TMEM132B: variants seen among roughly 807,000 people sequenced by gnomAD.
TMEM132B encodes the protein transmembrane protein 132B.
In TMEM132B, 18 loss-of-function variants were observed where a neutral mutation model predicts 90.8. The ratio of observed to expected loss-of-function variants is 0.20; its 90% CI spans 0.14 to 0.29. TMEM132B has a LOEUF of 0.29. Ranked by LOEUF, TMEM132B falls within the 10% of genes least tolerant of loss-of-function variation. TMEM132B has a pLI of 1.00. For synonymous variants in TMEM132B, 504 were observed against 523.3 expected (o/e 0.96, Z 0.50); for missense variants, 1,096 against 1,326.8 (o/e 0.83, Z 2.70).
chr12:125,231,208 CGTGTGTGTGT>C (rs140099684), intron 1 of TMEM132B, among the ~76,000 whole-genome samples: 4 of 146,532 alleles, frequency 2.7e-5, no homozygotes, highest in East Asian at 4.0e-4. Flanking sequence ...GGCTGTCTTC[CGTGTGTGTGT>C]GTGTGTGTGT....
chr12:125,604,278 G>A (rs1329952575), intron 5 of TMEM132B, among the ~76,000 whole-genome samples: 2 of 146,844 alleles, frequency 1.4e-5, no homozygotes, highest in African/African-American at 2.4e-5. Context: ...AAAAGGGAAT[G>A]AGACTGTGTC....
At chr12:125,566,849 T>C (rs1686691930) in intron 4 of TMEM132B, among the ~76,000 whole-genome samples, 2 of 142,342 alleles carry the variant, frequency 1.4e-5, no homozygotes, top group East Asian at 2.0e-4. Context: ...TTTTTTTTTT[T>C]TTTTTTTTTT....
chr12:125,228,108 A>G (rs74675727), intron 1 of TMEM132B, among the ~76,000 whole-genome samples: 5,461 of 152,316 alleles, frequency 0.036, 127 homozygotes, highest in Non-Finnish European at 0.049. Context: ...ATCCCAAATC[A>G]AGACATCAAG....
chr12:125,466,927 G>C (rs909550550), intron 3 of TMEM132B, among the ~76,000 whole-genome samples: 2 of 152,202 alleles, frequency 1.3e-5, no homozygotes, highest in Non-Finnish European at 2.9e-5. Flanking sequence ...GAAGTTTAAG[G>C]CTAATGTAAA....
intron 3 of TMEM132B, among the ~76,000 whole-genome samples, chr12:125,502,144 C>A (rs917321372): frequency 6.6e-6 from 1 of 152,188 alleles, no homozygotes; most frequent in African/African-American, 2.4e-5. Flanking sequence ...GAACCCTGAT[C>A]CTTGTCCTCT....
chr12:125,361,354 C>A (rs921077891), intron 2 of TMEM132B, among the ~76,000 whole-genome samples: 2 of 152,176 alleles, frequency 1.3e-5, no homozygotes, highest in African/African-American at 4.8e-5. Context: ...GGACCCTAAC[C>A]CAGATCGGCC....
chr12:125,189,860 C>G (rs548351670), intron 1 of TMEM132B, among the ~76,000 whole-genome samples: 22 of 152,138 alleles, frequency 1.4e-4, no homozygotes, highest in Non-Finnish European at 2.9e-4. Context: ...GCCTTGTTCC[C>G]AGATGCGTCT....
At chr12:125,378,945 A>T (rs1878577190) in intron 2 of TMEM132B, among the ~76,000 whole-genome samples, 1 of 152,090 alleles carries the variant, frequency 6.6e-6, no homozygotes. Context: ...GTGAGGTCTC[A>T]TGTGTATAGC....
At chr12:125,253,792 A>G (rs1874369153) in intron 1 of TMEM132B, among the ~76,000 whole-genome samples, 1 of 152,068 alleles carries the variant, frequency 6.6e-6, no homozygotes, top group Non-Finnish European at 1.5e-5. Context: ...TATTATCCCT[A>G]TTCCAGAGCC....
chr12:125,455,832 C>T (rs935665899), intron 3 of TMEM132B, among the ~76,000 whole-genome samples: 2 of 152,122 alleles, frequency 1.3e-5, no homozygotes, highest in African/African-American at 2.4e-5. Context: ...GCTTTTATGC[C>T]ACAGCGTTTA....
chr12:125,390,432 C>A (rs1024561483), intron 2 of TMEM132B, among the ~76,000 whole-genome samples: 18 of 152,234 alleles, frequency 1.2e-4, no homozygotes, highest in Admixed American at 7.2e-4. Flanking sequence ...TCTCTAAAAC[C>A]TTTTCATTTG....
chr12:125,211,200 C>T (rs1438097500), intron 1 of TMEM132B, among the ~76,000 whole-genome samples: 1 of 152,080 alleles, frequency 6.6e-6, no homozygotes, highest in East Asian at 1.9e-4. Context: ...GAGTTGCCAC[C>T]AGCTGAGCTG....
At chr12:125,220,863 C>G (rs1873541181) in intron 1 of TMEM132B, among the ~76,000 whole-genome samples, 1 of 152,246 alleles carries the variant, frequency 6.6e-6, no homozygotes, top group Admixed American at 6.5e-5. Flanking sequence ...CAGTCCTGAG[C>G]TTGGCCCACA....
chr12:125,584,396 T>C (rs1443192628), intron 5 of TMEM132B: 1 of 180,622 alleles, frequency 5.5e-6, no homozygotes, highest in African/African-American at 2.4e-5. Context: ...ATATTTTCTT[T>C]AAATGCCTTG....
chr12:125,432,891 T>C (rs745312594), intron 3 of TMEM132B, among the ~76,000 whole-genome samples: 3 of 152,154 alleles, frequency 2.0e-5, no homozygotes, highest in Admixed American at 6.5e-5. Flanking sequence ...CCCAAGAGAG[T>C]TCTAGGCTCC....
intron 3 of TMEM132B, among the ~76,000 whole-genome samples, chr12:125,505,525 C>G (rs1882823736): frequency 6.6e-6 from 1 of 151,822 alleles, no homozygotes; most frequent in Non-Finnish European, 1.5e-5. Context: ...GTGGTGAAAT[C>G]CCGTCTCTAC....
rs1885863990 is a variant in TMEM132B, at chr12:125,612,633, G to C, written c.1437+28639G>C. Among the ~76,000 whole-genome samples, 3 of 141,126 alleles carry C rather than the reference G, an allele frequency of 2.1e-5. No individual in the cohort carries two copies. In the South Asian group the frequency reaches 6.6e-4, roughly 31 times the overall value. 92.6% of individuals were successfully genotyped at this position (141,126 alleles called of 152,430 possible). Reference sequence around the variant, plus strand: ...ATATTTTTAATGTTACTAGACAACAGTATGACAACTATATATACTTGTCAT... The same window carrying C: ...ATATTTTTAATGTTACTAGACAACACTATGACAACTATATATACTTGTCAT... On this transcript the variant is annotated intron_variant, in intron 5 of 8. Transcript: ENST00000682704.
At chr12:125,645,550 A>G (rs1186181449) in intron 6 of TMEM132B, among the ~76,000 whole-genome samples, 1 of 152,214 alleles carries the variant, frequency 6.6e-6, no homozygotes, top group African/African-American at 2.4e-5. Flanking sequence ...CAGCCTCCAA[A>G]TGACAACCAG....
At chr12:125,452,243 C>A (rs1335769975) in intron 3 of TMEM132B, among the ~76,000 whole-genome samples, 1 of 152,148 alleles carries the variant, frequency 6.6e-6, no homozygotes, top group East Asian at 1.9e-4. Flanking sequence ...TGACTAGTTT[C>A]TCTTGTTGTC....
Sources: gnomAD v4.1 joint callset for allele counts (sites outside exome capture counted in the v4.1 genomes callset) on GRCh38, gnomAD v4.1.1 for gene constraint, MANE v1.5 for transcripts, NCBI Gene and HGNC (gene_info 2026-07-23, HGNC 2026-07-21) for gene names.